Variants in TENM2 observed in about 807,000 individuals in gnomAD.
TENM2 encodes teneurin-2.
A neutral mutation model predicts 245.2 loss-of-function variants in TENM2; 52 were observed. The ratio of observed to expected loss-of-function variants is 0.21; its 90% CI spans 0.17 to 0.27. The LOEUF (loss-of-function observed/expected upper bound fraction) is 0.27, where lower values mean the gene tolerates loss of function less well. TENM2 is among the 10% of genes least tolerant of loss of function. TENM2 has a pLI of 1.00. For missense variants in TENM2, 3,046 were observed against 3,666.8 expected, an observed-to-expected ratio of 0.83 and a Z score of 4.37; for synonymous variants, 1,363 against 1,438.9, an observed-to-expected ratio of 0.95 and a Z score of 1.19.
At chr5:167,813,992 C>T (rs1424939456) in intron 2 of TENM2, among the ~76,000 whole-genome samples, 1 of 152,148 alleles carries the variant, frequency 6.6e-6, no homozygotes, top group Non-Finnish European at 1.5e-5. Context: ...CTCATCCCAG[C>T]TTCTCATCGT....
intron 2 of TENM2, among the ~76,000 whole-genome samples, chr5:167,670,683 A>T (rs1650953040): frequency 6.6e-6 from 1 of 152,068 alleles, no homozygotes; most frequent in African/African-American, 2.4e-5. Context: ...CCTGACTTCC[A>T]CTTCCTGTCT....
chr5:167,262,246 T>C, the TENM2 span, among the ~76,000 whole-genome samples: 3 of 151,930 alleles, frequency 2.0e-5, no homozygotes, highest in South Asian at 4.1e-4. Context: ...TAATCCCAGC[T>C]ACTCAGGAGG....
chr5:168,056,006 TAAC>T (rs1171010016), intron 6 of TENM2, among the ~76,000 whole-genome samples: 1 of 152,248 alleles, frequency 6.6e-6, no homozygotes, highest in African/African-American at 2.4e-5. Flanking sequence ...ATAAAAATCT[TAAC>T]TACTTTGTTT....
Position 167,829,876 on chromosome 5 carries a change from A to G in TENM2, c.503-46110A>G, listed in dbSNP as rs138047605. ...AATCCCATGGTGGGAAAGAGAGGCT[A>G]TGCAGAACACCTTCAGAGCGTCAGT... On this transcript the variant is annotated intron_variant, in intron 2 of 28. Transcript: ENST00000518659. 7.5e-4 allele frequency among the ~76,000 whole-genome samples: 114 copies of G among 152,336 alleles called. 1 individual carries two copies. Among genetic ancestry groups the G allele is most frequent in the African/African-American group, 2.6e-3 (109 of 41,570 alleles).
intron 2 of TENM2, among the ~76,000 whole-genome samples, chr5:167,687,291 T>A (rs1344176656): frequency 1.3e-5 from 2 of 152,198 alleles, no homozygotes; most frequent in East Asian, 3.8e-4. Context: ...ACGTATATGA[T>A]CTAAGTATTC....
upstream of TENM2, among the ~76,000 whole-genome samples, chr5:167,284,071 A>G (rs770261257): frequency 1.3e-5 from 2 of 152,040 alleles, no homozygotes; most frequent in Non-Finnish European, 2.9e-5. Flanking sequence ...AGCAGTTATC[A>G]TGTTGGTGGG....
At chr5:167,444,825 T>C (rs1249961625) in intron 2 of TENM2, among the ~76,000 whole-genome samples, 1 of 152,130 alleles carries the variant, frequency 6.6e-6, no homozygotes, top group Non-Finnish European at 1.5e-5. Context: ...AACAGATTAT[T>C]ATACTGAAAA....
chr5:168,109,222 G>T (rs1213498203), intron 9 of TENM2, among the ~76,000 whole-genome samples: 1 of 152,224 alleles, frequency 6.6e-6, no homozygotes, highest in Non-Finnish European at 1.5e-5. Context: ...CAAAGGCCCA[G>T]AAGCAGGAGC....
intron 7 of TENM2, among the ~76,000 whole-genome samples, chr5:168,087,870 T>C (rs962152269): frequency 1.3e-5 from 2 of 152,074 alleles, no homozygotes; most frequent in Admixed American, 1.3e-4. Context: ...AGACACCATA[T>C]CATATCAGAG....
At chr5:167,609,514 A>T (rs1252982172) in intron 2 of TENM2, among the ~76,000 whole-genome samples, 3 of 35,486 alleles carry the variant, frequency 8.5e-5, no homozygotes, top group Non-Finnish European at 1.8e-4. Flanking sequence ...AAAAAAAAAC[A>T]AAACCTTACC....
the TENM2 span, among the ~76,000 whole-genome samples, chr5:167,149,168 C>G: frequency 0.023 from 3,478 of 152,160 alleles, 126 homozygotes; most frequent in African/African-American, 0.079. Context: ...TCCCTCCCCC[C>G]TCCACCCACC....
chr5:167,399,134 A>G (rs1056818785), intron 2 of TENM2, among the ~76,000 whole-genome samples: 2 of 152,160 alleles, frequency 1.3e-5, no homozygotes, highest in African/African-American at 4.8e-5. Flanking sequence ...TCGTATATCA[A>G]AAAGGAATTC....
chr5:167,027,408 C>G, the TENM2 span, among the ~76,000 whole-genome samples: 3 of 152,096 alleles, frequency 2.0e-5, no homozygotes, highest in African/African-American at 7.2e-5. Flanking sequence ...ATTCAAATAT[C>G]CTTTCATCTG....
At chr5:167,415,607 C>T (rs1481848630) in intron 2 of TENM2, among the ~76,000 whole-genome samples, 7 of 152,010 alleles carry the variant, frequency 4.6e-5, no homozygotes, top group Admixed American at 4.6e-4. Flanking sequence ...TTATTAATAT[C>T]CATAGTAAAC....
intron 5 of TENM2, among the ~76,000 whole-genome samples, chr5:168,017,178 G>C (rs1175869350): frequency 6.6e-6 from 1 of 152,166 alleles, no homozygotes; most frequent in East Asian, 1.9e-4. Flanking sequence ...ATTGATGATT[G>C]ATGTTAGAAG....
chr5:167,017,143 G>C, the TENM2 span, among the ~76,000 whole-genome samples: 12 of 152,254 alleles, frequency 7.9e-5, no homozygotes, highest in East Asian at 2.1e-3. Flanking sequence ...TAAGATGAAT[G>C]GACTCTGGGT....
the TENM2 span, among the ~76,000 whole-genome samples, chr5:167,243,653 T>G: frequency 6.6e-6 from 1 of 152,250 alleles, no homozygotes; most frequent in South Asian, 2.1e-4. Flanking sequence ...CCCTCCAAAC[T>G]GCAGATTTGT....
At chr5:167,451,611 C>A (rs1765586883) in intron 2 of TENM2, among the ~76,000 whole-genome samples, 1 of 151,962 alleles carries the variant, frequency 6.6e-6, no homozygotes, top group African/African-American at 2.4e-5. Context: ...TTTTCTATCT[C>A]AAGGGTGCTT....
At chr5:167,302,959 T>A (rs535368321) in intron 1 of TENM2, among the ~76,000 whole-genome samples, 1 of 152,212 alleles carries the variant, frequency 6.6e-6, no homozygotes, top group African/African-American at 2.4e-5. Flanking sequence ...TGCTGGAGTT[T>A]TGGGTCCATG....
Sources: gnomAD v4.1 joint callset for allele counts (sites outside exome capture counted in the v4.1 genomes callset) on GRCh38, gnomAD v4.1.1 for gene constraint, MANE v1.5 for transcripts, NCBI Gene and HGNC (gene_info 2026-07-23, HGNC 2026-07-21) for gene names.